KHDRBS2: variants seen among roughly 807,000 people sequenced by gnomAD.
The protein encoded by KHDRBS2 is KH RNA binding domain containing, signal transduction associated 2.
A neutral mutation model predicts 44.3 loss-of-function variants in KHDRBS2; 26 were observed. The ratio of observed to expected loss-of-function variants is 0.59; its 90% CI spans 0.43 to 0.81. The LOEUF (loss-of-function observed/expected upper bound fraction) is 0.81, where lower values mean the gene tolerates loss of function less well. Among genes scored for constraint, KHDRBS2 ranks in the 40% least tolerant of loss-of-function variants. The pLI, the probability that KHDRBS2 is intolerant of heterozygous loss-of-function variation, is 0.00. For missense variants in KHDRBS2, 476 were observed against 433.1 expected (o/e 1.10, Z -0.88); for synonymous variants, 194 against 151.1 (o/e 1.28, Z -2.08).
intron 6 of KHDRBS2, among the ~76,000 whole-genome samples, chr6:61,845,310 T>G (rs1794222463): frequency 2.5e-5 from 2 of 81,016 alleles, no homozygotes; most frequent in South Asian, 8.9e-4. Flanking sequence ...CAGTTCCTTG[T>G]TTTTTTTTTT....
intron 1 of KHDRBS2, among the ~76,000 whole-genome samples, chr6:62,212,665 A>C (rs1022143481): frequency 6.6e-6 from 1 of 152,140 alleles, no homozygotes; most frequent in African/African-American, 2.4e-5. Context: ...TGATGCAACT[A>C]CATGTCAAAG....
chr6:61,621,688 A>G, the KHDRBS2 span, among the ~76,000 whole-genome samples: 1 of 152,210 alleles, frequency 6.6e-6, no homozygotes. Context: ...GTTCTTGTAT[A>G]ATTCCTTCTC....
chr6:61,893,627 T>G (rs1207544472), intron 6 of KHDRBS2, among the ~76,000 whole-genome samples: 1 of 152,134 alleles, frequency 6.6e-6, no homozygotes, highest in Admixed American at 6.5e-5. Context: ...GAAACCATCA[T>G]TCTCAGCAAA....
chr6:61,866,330 G>A (rs1030496420), intron 6 of KHDRBS2, among the ~76,000 whole-genome samples: 2 of 152,248 alleles, frequency 1.3e-5, no homozygotes, highest in Admixed American at 1.3e-4. Flanking sequence ...CCACGTGGAA[G>A]CTGCCAAGGT....
intron 2 of KHDRBS2, among the ~76,000 whole-genome samples, chr6:62,049,910 T>C (rs540073788): frequency 1.9e-4 from 29 of 152,190 alleles, no homozygotes; most frequent in Non-Finnish European, 3.7e-4. Context: ...GAACCAGATA[T>C]ACCACTTGAC....
chr6:62,193,600 T>G (rs1336400152), intron 1 of KHDRBS2, among the ~76,000 whole-genome samples: 2 of 152,064 alleles, frequency 1.3e-5, no homozygotes, highest in Non-Finnish European at 2.9e-5. Flanking sequence ...AGAAAGCTCC[T>G]CTAATGCATT....
chr6:61,964,501 T>G (rs1444052190), intron 4 of KHDRBS2, among the ~76,000 whole-genome samples: 1 of 152,060 alleles, frequency 6.6e-6, no homozygotes, highest in East Asian at 1.9e-4. Context: ...GCATATTAGA[T>G]GTCCACTAGT....
intron 1 of KHDRBS2, among the ~76,000 whole-genome samples, chr6:62,205,328 G>C (rs1827761686): frequency 6.6e-6 from 1 of 152,094 alleles, no homozygotes; most frequent in Non-Finnish European, 1.5e-5. Flanking sequence ...CAAAATGAAA[G>C]ATATTTATAG....
chr6:61,552,241 A>C, the KHDRBS2 span, among the ~76,000 whole-genome samples: 1 of 150,110 alleles, frequency 6.7e-6, no homozygotes, highest in Non-Finnish European at 1.5e-5. Flanking sequence ...TCCCTGGATA[A>C]CTGTATTCCT....
chr6:62,009,328 C>G (rs1779851929), intron 3 of KHDRBS2, among the ~76,000 whole-genome samples: 1 of 152,130 alleles, frequency 6.6e-6, no homozygotes, highest in African/African-American at 2.4e-5. Context: ...GAAGAAATTT[C>G]TAATCAGCAA....
At chr6:61,815,994 T>C (rs1307601899) in intron 6 of KHDRBS2, among the ~76,000 whole-genome samples, 1 of 152,136 alleles carries the variant, frequency 6.6e-6, no homozygotes, top group African/African-American at 2.4e-5. Context: ...AGAGCACTCA[T>C]AAATACCAAA....
chr6:61,562,075 G>A, the KHDRBS2 span, among the ~76,000 whole-genome samples: 1 of 152,070 alleles, frequency 6.6e-6, no homozygotes, highest in Non-Finnish European at 1.5e-5. Flanking sequence ...ACCTCATAAT[G>A]ACATAAAATT....
At chr6:62,102,428 G>T (rs1802116811) in intron 2 of KHDRBS2, among the ~76,000 whole-genome samples, 1 of 152,144 alleles carries the variant, frequency 6.6e-6, no homozygotes, top group South Asian at 2.1e-4. Flanking sequence ...GAGACACCAG[G>T]GATTGCAGAG....
intron 1 of KHDRBS2, among the ~76,000 whole-genome samples, chr6:62,203,292 G>A (rs1827349307): frequency 6.6e-6 from 1 of 152,068 alleles, no homozygotes; most frequent in Non-Finnish European, 1.5e-5. Context: ...TTGGGGCGGT[G>A]GGAGGGCAGG....
At chr6:62,132,816 A>G in intron 2 of KHDRBS2, among the ~76,000 whole-genome samples, 1 of 152,242 alleles carries the variant, frequency 6.6e-6, no homozygotes, top group Non-Finnish European at 1.5e-5. Flanking sequence ...TGAAAATCCC[A>G]TAAATTCCAG....
intron 1 of KHDRBS2, among the ~76,000 whole-genome samples, chr6:62,202,724 G>T (rs1352835463): frequency 6.6e-6 from 1 of 152,000 alleles, no homozygotes; most frequent in Non-Finnish European, 1.5e-5. Context: ...CATGATCATG[G>T]TAAGTGCCAC....
chr6:61,909,653 G>T (rs2127350005), intron 4 of KHDRBS2, among the ~76,000 whole-genome samples: 1 of 90,190 alleles, frequency 1.1e-5, no homozygotes, highest in African/African-American at 5.1e-5. Flanking sequence ...GCTCAGAGCA[G>T]ACAGATGTTT....
rs371994630 is a variant in KHDRBS2, at chr6:61,964,138, A to T, written c.483+13928T>A. Among the ~76,000 whole-genome samples, 16 of 152,190 alleles carry T rather than the reference A, an allele frequency of 1.1e-4. 1 individual carries two copies. The highest frequency in any genetic ancestry group is 3.8e-4 in the African/African-American group (16 of 41,564). On this transcript the variant is annotated intron_variant, in intron 4 of 8. Coordinates refer to ENST00000281156, the MANE Select transcript of KHDRBS2 (RefSeq NM_152688.4). ...TCGTTACCACAAGTTCACTTACAGA[A>T]AAAAATCGAGCATGAAGCCAAGATT...
the KHDRBS2 span, among the ~76,000 whole-genome samples, chr6:61,562,216 T>C: frequency 6.6e-6 from 1 of 152,198 alleles, no homozygotes; most frequent in African/African-American, 2.4e-5. Context: ...GATGTGATGT[T>C]TATCCTAACT....
Sources: gnomAD v4.1 joint callset for allele counts (sites outside exome capture counted in the v4.1 genomes callset) on GRCh38, gnomAD v4.1.1 for gene constraint, MANE v1.5 for transcripts, NCBI Gene and HGNC (gene_info 2026-07-23, HGNC 2026-07-21) for gene names.